Variants in ANXA8 observed in about 807,000 individuals in gnomAD.
ANXA8 encodes the protein annexin A8.
A neutral mutation model predicts 26.8 loss-of-function variants in ANXA8; 9 were observed. That is an observed-to-expected ratio of 0.34 (90% CI 0.20 to 0.59). The LOEUF is 0.59. ANXA8 is among the 20% of genes least tolerant of loss of function. The pLI is 0.84. For missense variants in ANXA8, 83 were observed against 238.5 expected, an observed-to-expected ratio of 0.35 and a Z score of 4.29; for synonymous variants, 39 against 94.8, an observed-to-expected ratio of 0.41 and a Z score of 3.42.
chr10:47,548,294 T>C, the ANXA8 span, among the ~76,000 whole-genome samples: 11 of 145,788 alleles, frequency 7.5e-5, no homozygotes, highest in Non-Finnish European at 1.1e-4. Flanking sequence ...ATGGCTTATT[T>C]TTTTGCTAAT....
chr10:47,484,170 G>C (rs1839967351), upstream of ANXA8: 2 of 906,832 alleles, frequency 2.2e-6, no homozygotes, highest in South Asian at 1.4e-5. Flanking sequence ...CACTGCCCAG[G>C]CCTGCTCTGG....
At chr10:47,523,367 C>A in the ANXA8 span, 1 of 1,574,384 alleles carries the variant, frequency 6.4e-7, no homozygotes, top group Non-Finnish European at 8.6e-7. Context: ...TCAACAGTCA[C>A]CTCAGCAGGC....
the ANXA8 span, chr10:47,973,296 T>A: frequency 2.7e-5 from 4 of 146,736 alleles, no homozygotes; most frequent in East Asian, 5.9e-4. Flanking sequence ...GAGGACAGGA[T>A]GATCTGTGCC....
At chr10:47,971,374 C>T in the ANXA8 span, among the ~76,000 whole-genome samples, 1 of 150,706 alleles carries the variant, frequency 6.6e-6, no homozygotes, top group African/African-American at 2.4e-5. Flanking sequence ...CCCTTTTTTC[C>T]AACTGAAGAC....
At chr10:47,950,977 C>A in the ANXA8 span, among the ~76,000 whole-genome samples, 1 of 150,410 alleles carries the variant, frequency 6.6e-6, no homozygotes, top group Non-Finnish European at 1.5e-5. Context: ...TAGCAGAAAA[C>A]AATGTAATAG....
chr10:47,742,881 G>A, the ANXA8 span, among the ~76,000 whole-genome samples: 2 of 142,384 alleles, frequency 1.4e-5, no homozygotes, highest in African/African-American at 2.6e-5. Context: ...AACCCCGGGC[G>A]CAGTGGCTCA....
At chr10:47,696,245 G>C in the ANXA8 span, among the ~76,000 whole-genome samples, 2 of 151,580 alleles carry the variant, frequency 1.3e-5, no homozygotes, top group Non-Finnish European at 2.9e-5. Flanking sequence ...TAGATTTGCT[G>C]TTTTGTCATT....
the ANXA8 span, among the ~76,000 whole-genome samples, chr10:47,674,365 C>T: frequency 6.6e-6 from 1 of 151,066 alleles, no homozygotes; most frequent in East Asian, 1.9e-4. Flanking sequence ...CTCCTAGGCT[C>T]ATGCAATCCT....
At chr10:47,566,383 G>C in the ANXA8 span, among the ~76,000 whole-genome samples, 1 of 147,454 alleles carries the variant, frequency 6.8e-6, no homozygotes. Flanking sequence ...ACAAGAGAAA[G>C]TTGAAAAAAA....
chr10:47,982,326 C>G, the ANXA8 span, among the ~76,000 whole-genome samples: 1 of 151,200 alleles, frequency 6.6e-6, no homozygotes, highest in Non-Finnish European at 1.5e-5. Flanking sequence ...CCCCAAACCC[C>G]AAAGAAAACC....
the ANXA8 span, among the ~76,000 whole-genome samples, chr10:47,496,962 A>T: frequency 7.1e-6 from 1 of 141,620 alleles, no homozygotes. Context: ...TCCCCCTCAT[A>T]GGGGGAAAGA....
chr10:47,762,205 G>A, the ANXA8 span, among the ~76,000 whole-genome samples: 1 of 151,844 alleles, frequency 6.6e-6, no homozygotes, highest in South Asian at 2.1e-4. Context: ...GAGTTGGTGC[G>A]ACGCGGTGGA....
the ANXA8 span, among the ~76,000 whole-genome samples, chr10:47,733,298 T>TCTTTC: frequency 3.1e-3 from 184 of 60,130 alleles, 18 homozygotes; most frequent in African/African-American, 0.012. Context: ...TTTCTTTCTT[T>TCTTTC]TTTTTCTTTC....
the ANXA8 span, among the ~76,000 whole-genome samples, chr10:47,969,103 C>A: frequency 6.7e-6 from 1 of 150,352 alleles, no homozygotes. Context: ...AGGAGAAAAC[C>A]AACCCAGAGG....
At chr10:47,928,712 C>T in the ANXA8 span, among the ~76,000 whole-genome samples, 4 of 103,192 alleles carry the variant, frequency 3.9e-5, no homozygotes, top group African/African-American at 1.4e-4. Flanking sequence ...TTGCACAAAA[C>T]TCCTCCAGAG....
the ANXA8 span, among the ~76,000 whole-genome samples, chr10:47,954,200 C>T: frequency 7.7e-3 from 1,156 of 149,942 alleles, no homozygotes; most frequent in Non-Finnish European, 9.5e-3. Flanking sequence ...CGATGGAGTA[C>T]GATTCAGCCA....
chr10:47,952,922 ATC>A, the ANXA8 span, among the ~76,000 whole-genome samples: 3 of 146,334 alleles, frequency 2.1e-5, no homozygotes, highest in East Asian at 6.6e-4. Flanking sequence ...ACAAGTGAAG[ATC>A]TATACATGAA....
chr10:47,952,281 A>C, the ANXA8 span, among the ~76,000 whole-genome samples: 1 of 151,672 alleles, frequency 6.6e-6, no homozygotes, highest in Non-Finnish European at 1.5e-5. Flanking sequence ...TGGTGCAATA[A>C]GGTAAGAGGA....
chr10:47,657,379 T>C, the ANXA8 span, among the ~76,000 whole-genome samples: 1 of 151,962 alleles, frequency 6.6e-6, no homozygotes, highest in East Asian at 1.9e-4. Flanking sequence ...ATCTTTTATT[T>C]TTAGCAGTAT....
Sources: allele counts gnomAD v4.1 joint callset (sites outside exome capture counted in the v4.1 genomes callset), GRCh38; gene constraint gnomAD v4.1.1; transcripts MANE v1.5; gene names NCBI Gene and HGNC (gene_info 2026-07-23, HGNC 2026-07-21).